ST3GAL3: variants seen among roughly 807,000 people sequenced by gnomAD.
ST3GAL3 encodes the protein CMP-N-acetylneuraminate-beta-1,4-galactoside alpha-2,3-sialyltransferase.
In ST3GAL3, 21 loss-of-function variants were observed where a neutral mutation model predicts 50.1. The ratio of observed to expected loss-of-function variants is 0.42; its 90% confidence interval spans 0.30 to 0.60. The LOEUF (loss-of-function observed/expected upper bound fraction) is 0.60. Ranked by LOEUF, ST3GAL3 falls within the 20% of genes least tolerant of loss-of-function variation. ST3GAL3 has a pLI of 0.19. For synonymous variants in ST3GAL3, 183 were observed against 190.0 expected, an observed-to-expected ratio of 0.96 and a Z score of 0.30; for missense variants, 353 against 489.4, an observed-to-expected ratio of 0.72 and a Z score of 2.63.
At chr1:43,746,796 T>C (rs534168314) in intron 2 of ST3GAL3, among the ~76,000 whole-genome samples, 77 of 137,640 alleles carry the variant, frequency 5.6e-4, no homozygotes, top group Non-Finnish European at 1.0e-3. Flanking sequence ...CAAGTCTCAC[T>C]CTGTCACCCA....
At chr1:43,791,532 C>T (rs537021308) in intron 2 of ST3GAL3, among the ~76,000 whole-genome samples, 48 of 152,266 alleles carry the variant, frequency 3.2e-4, no homozygotes, top group African/African-American at 1.0e-3. Context: ...ATTCTGCCTG[C>T]GGTGTTTGCG....
chr1:43,921,587 G>A (rs1465121694), intron 11 of ST3GAL3: 1 of 399,264 alleles, frequency 2.5e-6, no homozygotes, highest in African/African-American at 2.1e-5. Context: ...CTACATCTGG[G>A]TGATGGGAGG....
chr1:43,715,312 G>A (rs1306674053), intron 1 of ST3GAL3, among the ~76,000 whole-genome samples: 3 of 152,114 alleles, frequency 2.0e-5, no homozygotes, highest in Non-Finnish European at 4.4e-5. Flanking sequence ...GGTGGCTCAC[G>A]CCTATAATCC....
chr1:43,831,728 A>G (rs750628125), intron 4 of ST3GAL3: 5 of 152,252 alleles, frequency 3.3e-5, no homozygotes, highest in Non-Finnish European at 7.3e-5. Context: ...GAGTATCTCA[A>G]AGATGGGACT....
chr1:43,777,076 AGG>A (rs2154138176), intron 2 of ST3GAL3, among the ~76,000 whole-genome samples: 1 of 152,318 alleles, frequency 6.6e-6, no homozygotes, highest in African/African-American at 2.4e-5. Flanking sequence ...TATATTATAT[AGG>A]TCCTGCTATC....
Position 43,920,907 on chromosome 1 carries a change from T to G in ST3GAL3, c.1017T>G (p.Val339=). 1.9e-6 allele frequency: 3 copies of G among 1,613,536 alleles called. No homozygotes were observed. Among genetic ancestry groups the G allele is most frequent in the Non-Finnish European group, 2.5e-6 (3 of 1,179,790 alleles). Residue 339 remains valine (V), a synonymous_variant, in exon 11 of 12, where the codon GTT becomes GTG. Transcript: ENST00000347631. ...PNAPLHYYET[V]RMAAIKESWT... ...CACCCCTGCACTACTATGAGACCGT[T>G]CGCATGGCAGCCATCAAAGAGGTTC...
rs759246869 is a variant in ST3GAL3 at position 43,736,284 on chromosome 1, C to G, written c.22C>G (p.Arg8Gly). The change falls in exon 2 of 12, where the codon CGC (arginine) becomes GGC (glycine). Residue 8 changes from arginine to glycine, a missense_variant. Coordinates refer to ENST00000347631, the MANE Select transcript of ST3GAL3 (RefSeq NM_006279.5). MGLLVFV[R>G]NLLLALCLFL... The stretch of plus-strand genomic sequence containing the variant: ...GAAGATGGGACTCTTGGTATTTGTG[C>G]GCAATCTGCTGCTAGCCCTCTGCCT... The G allele has an allele frequency of 1.2e-6, 2 of 1,614,058 alleles. No individual in the cohort carries two copies. Among genetic ancestry groups the G allele is most frequent in the Non-Finnish European group, 1.7e-6 (2 of 1,180,010 alleles).
At chr1:43,878,487 A>T (rs974660667) in intron 5 of ST3GAL3, among the ~76,000 whole-genome samples, 1 of 152,140 alleles carries the variant, frequency 6.6e-6, no homozygotes, top group Non-Finnish European at 1.5e-5. Flanking sequence ...TTGAGTAAAG[A>T]CTGGAAGGAG....
At chr1:43,879,195 C>A in intron 5 of ST3GAL3, 1 of 445,902 alleles carries the variant, frequency 2.2e-6, no homozygotes. Context: ...AAGGTCCAGA[C>A]TCAGAAAAAG....
chr1:43,747,183 G>T (rs1684097185), intron 2 of ST3GAL3, among the ~76,000 whole-genome samples: 1 of 152,182 alleles, frequency 6.6e-6, no homozygotes, highest in Non-Finnish European at 1.5e-5. Context: ...GCCAAGGCGG[G>T]CAGATCACCA....
chr1:43,771,633 A>G (rs1695218385), intron 2 of ST3GAL3, among the ~76,000 whole-genome samples: 1 of 152,176 alleles, frequency 6.6e-6, no homozygotes, highest in South Asian at 2.1e-4. Context: ...CTGGGATTAC[A>G]GGCGTGAGCC....
chr1:43,714,195 C>T (rs1054437893), intron 1 of ST3GAL3, among the ~76,000 whole-genome samples: 3 of 149,294 alleles, frequency 2.0e-5, no homozygotes. Context: ...ACCCGGGAGG[C>T]GGAGGTTGCA....
intron 11 of ST3GAL3, among the ~76,000 whole-genome samples, chr1:43,928,804 G>A (rs1362478933): frequency 6.6e-6 from 1 of 150,556 alleles, no homozygotes; most frequent in Non-Finnish European, 1.5e-5. Flanking sequence ...AGCTACTCAG[G>A]TGGCTGAGGC....
intron 1 of ST3GAL3, among the ~76,000 whole-genome samples, chr1:43,712,450 A>G (rs933202333): frequency 6.6e-6 from 1 of 152,220 alleles, no homozygotes; most frequent in African/African-American, 2.4e-5. Flanking sequence ...TGTACTGAAC[A>G]TAAGCTCTGC....
At chr1:43,843,719 GT>G (rs2065792163) in intron 5 of ST3GAL3, among the ~76,000 whole-genome samples, 1 of 152,196 alleles carries the variant, frequency 6.6e-6, no homozygotes, top group African/African-American at 2.4e-5. Context: ...AGAAAAGACA[GT>G]TTTTTATCTC....
At chr1:43,709,396 C>CT (rs1226864640) in intron 1 of ST3GAL3, 2,008 of 148,794 alleles carry the variant, frequency 0.013, 47 homozygotes, top group African/African-American at 0.047. Flanking sequence ...TTTCTTTTTT[C>CT]TTTTTTTTTT....
At chr1:43,717,123 G>A (rs1331399095) in intron 1 of ST3GAL3, among the ~76,000 whole-genome samples, 1 of 152,186 alleles carries the variant, frequency 6.6e-6, no homozygotes, top group Non-Finnish European at 1.5e-5. Context: ...CGCCTCTGAA[G>A]CTTTTCCTGA....
intron 4 of ST3GAL3, among the ~76,000 whole-genome samples, chr1:43,816,557 C>T (rs889253727): frequency 3.9e-5 from 6 of 152,080 alleles, no homozygotes; most frequent in Admixed American, 1.3e-4. Flanking sequence ...GCCACCAGAA[C>T]GGAAGAGATA....
chr1:43,924,449 G>C (rs2083560762), intron 11 of ST3GAL3, among the ~76,000 whole-genome samples: 1 of 152,236 alleles, frequency 6.6e-6, no homozygotes, highest in Non-Finnish European at 1.5e-5. Context: ...GAGAGCCATA[G>C]ACGTGGGCGA....
Sources: gnomAD v4.1 joint callset for allele counts (sites outside exome capture counted in the v4.1 genomes callset) on GRCh38, gnomAD v4.1.1 for gene constraint, MANE v1.5 for transcripts, NCBI Gene and HGNC (gene_info 2026-07-23, HGNC 2026-07-21) for gene names.